LOC128125814: variants seen among roughly 807,000 people sequenced by gnomAD.
the LOC128125814 span, chr12:57,520,308 C>T: frequency 1.8e-5 from 7 of 397,646 alleles, no homozygotes; most frequent in Non-Finnish European, 1.3e-5. Context: ...CCATTCCTCT[C>T]TCGGACGGTC....
chr12:57,518,771 G>T, the LOC128125814 span, among the ~76,000 whole-genome samples: 4 of 152,178 alleles, frequency 2.6e-5, no homozygotes, highest in Non-Finnish European at 4.4e-5. Context: ...CGATTCTCCT[G>T]CTTCAGCCTC....
chr12:57,519,090 C>T, the LOC128125814 span: 1 of 530,958 alleles, frequency 1.9e-6, no homozygotes, highest in South Asian at 1.4e-5. Context: ...TTTCTGACTG[C>T]AGAAGGTCTT....
the LOC128125814 span, among the ~76,000 whole-genome samples, chr12:57,520,223 G>A: frequency 1.3e-5 from 2 of 152,164 alleles, no homozygotes; most frequent in Admixed American, 6.5e-5. Flanking sequence ...TTCCGGCTCC[G>A]GGCAGGGGTG....
the LOC128125814 span, chr12:57,519,236 G>A: frequency 3.8e-6 from 2 of 532,074 alleles, no homozygotes; most frequent in Non-Finnish European, 7.7e-6. Context: ...TCACTGAAGG[G>A]TTTTGAGTGG....
At chr12:57,520,134 G>T in the LOC128125814 span, among the ~76,000 whole-genome samples, 1 of 152,234 alleles carries the variant, frequency 6.6e-6, no homozygotes, top group African/African-American at 2.4e-5. Context: ...GATGAGGCCT[G>T]AAGTTGGCTA....
the LOC128125814 span, among the ~76,000 whole-genome samples, chr12:57,518,186 C>T: frequency 1.3e-5 from 2 of 152,246 alleles, 1 homozygote; most frequent in Middle Eastern, 6.8e-3. Flanking sequence ...GGTATGCATA[C>T]TTGGTCCCTG....
At chr12:57,519,313 C>T in the LOC128125814 span, 1 of 446,458 alleles carries the variant, frequency 2.2e-6, no homozygotes, top group Non-Finnish European at 4.6e-6. Context: ...GAACATTCTC[C>T]ATTCCTTTCT....
At chr12:57,519,745 G>T in the LOC128125814 span, among the ~76,000 whole-genome samples, 4 of 152,338 alleles carry the variant, frequency 2.6e-5, no homozygotes, top group Admixed American at 6.5e-5. Context: ...AAGAGGCAGG[G>T]ACTAATCCCG....
the LOC128125814 span, among the ~76,000 whole-genome samples, chr12:57,517,951 C>T: frequency 5.3e-5 from 8 of 151,944 alleles, no homozygotes; most frequent in Admixed American, 1.3e-4. Flanking sequence ...CTCGGCCTCC[C>T]GAGTAGCTGG....
At chr12:57,520,437 C>T in the LOC128125814 span, 1 of 398,652 alleles carries the variant, frequency 2.5e-6, no homozygotes, top group Non-Finnish European at 4.4e-6. Flanking sequence ...CAGGTTCCAG[C>T]TCTGATTTTG....
chr12:57,519,944 G>A, the LOC128125814 span, among the ~76,000 whole-genome samples: 1 of 152,232 alleles, frequency 6.6e-6, no homozygotes, highest in African/African-American at 2.4e-5. Context: ...GGGTCCAGTA[G>A]CCCCAGCTAC....
the LOC128125814 span, chr12:57,519,184 T>C: frequency 1.9e-5 from 10 of 533,518 alleles, no homozygotes; most frequent in Non-Finnish European, 3.1e-5. Flanking sequence ...GTCATTCCTC[T>C]GCTCAAACCC....
the LOC128125814 span, among the ~76,000 whole-genome samples, chr12:57,519,773 T>C: frequency 2.6e-5 from 4 of 152,242 alleles, no homozygotes; most frequent in African/African-American, 7.2e-5. Context: ...GACAATACCC[T>C]GGGGAGACCC....
the LOC128125814 span, among the ~76,000 whole-genome samples, chr12:57,519,864 A>G: frequency 1.3e-5 from 2 of 152,114 alleles, no homozygotes; most frequent in South Asian, 4.1e-4. Context: ...AAAGGAAAAC[A>G]CACCACTCCC....
chr12:57,518,977 A>G, the LOC128125814 span, among the ~76,000 whole-genome samples: 2 of 152,216 alleles, frequency 1.3e-5, no homozygotes, highest in Non-Finnish European at 2.9e-5. Context: ...CATTCTTTAA[A>G]AATGAGTTTT....
the LOC128125814 span, among the ~76,000 whole-genome samples, chr12:57,519,967 G>A: frequency 1.3e-5 from 2 of 152,248 alleles, no homozygotes; most frequent in Non-Finnish European, 2.9e-5. Context: ...AGGTGGCCAT[G>A]CTGACACCAG....
At chr12:57,519,318 C>G in the LOC128125814 span, 2 of 431,878 alleles carry the variant, frequency 4.6e-6, no homozygotes, top group South Asian at 3.3e-5. Context: ...TTCTCCATTC[C>G]TTTCTCTGCT....
At chr12:57,519,119 A>ACC in the LOC128125814 span, 1 of 532,420 alleles carries the variant, frequency 1.9e-6, no homozygotes, top group African/African-American at 1.9e-5. Context: ...TTCTCTTGCC[A>ACC]CCCCTCCGCA....
the LOC128125814 span, chr12:57,519,390 TC>T: frequency 2.7e-6 from 1 of 367,480 alleles, no homozygotes; most frequent in Non-Finnish European, 5.4e-6. Context: ...GATGATTTTT[TC>T]CTCTTGCTCA....
Sources: gnomAD v4.1 joint callset for allele counts (sites outside exome capture counted in the v4.1 genomes callset) on GRCh38, gnomAD v4.1.1 for gene constraint, MANE v1.5 for transcripts.